The following ADGRA1 variants were observed in gnomAD, a reference collection of about 807,000 sequenced individuals.
The protein encoded by ADGRA1 is G-protein coupled receptor 123.
A neutral mutation model predicts 21.3 loss-of-function variants in ADGRA1; 12 were observed. The ratio of observed to expected loss-of-function variants is 0.56; its 90% CI spans 0.36 to 0.91. The LOEUF is 0.91. Ranked by LOEUF, ADGRA1 falls within the 40% of genes least tolerant of loss-of-function variation. The probability of loss-of-function intolerance (pLI) is 0.01; values close to 1 mark genes in which losing one functional copy is unlikely to be tolerated. For missense variants in ADGRA1, 790 were observed against 805.6 expected (o/e 0.98, Z 0.23); for synonymous variants, 385 against 368.8 (o/e 1.04, Z -0.50).
Position 133,129,517 on chromosome 10 carries a change from G to A in ADGRA1, c.*6G>A, listed in dbSNP as rs751812777. The stretch of plus-strand genomic sequence containing the variant: ...AAAACGAAACTACTGTGTAGATGGG[G>A]GCAGAGGACACGGTGTTCCTGGAGG... On this transcript the variant is annotated 3_prime_UTR_variant, in exon 7 of 7. Transcript: ENST00000392607. 87 of 1,580,182 alleles carry A rather than the reference G, an allele frequency of 5.5e-5. No individual in the cohort carries two copies. The highest frequency in any genetic ancestry group is 7.4e-5 in the Non-Finnish European group (86 of 1,168,820).
intron 5 of ADGRA1, among the ~76,000 whole-genome samples, chr10:133,114,944 G>C (rs1404850171): frequency 6.6e-6 from 1 of 152,206 alleles, no homozygotes. Context: ...GTCCACACCT[G>C]GAATCCACCG....
Position 133,088,734 on chromosome 10 carries a change from G to C in ADGRA1, c.-176G>C, listed in dbSNP as rs1851546587. On this transcript the variant is annotated 5_prime_UTR_variant, in exon 2 of 7. Transcript: ENST00000392607. ...TGGGAGCAGCTCCCGGACTGCGCCC[G>C]CCCCGCCGCGGTCACCCTGAGGCCA... 1.6e-6 allele frequency: 2 copies of C among 1,230,252 alleles called. No individual in the cohort carries two copies. The highest frequency in any genetic ancestry group is 2.0e-6 in the Non-Finnish European group (2 of 987,336). 76.2% of individuals were successfully genotyped at this position (1,230,252 alleles called of 1,614,324 possible).
Position 133,088,069 on chromosome 10 carries a change from G to A in ADGRA1, c.-272G>A, listed in dbSNP as rs147699761. Reference sequence around the variant, plus strand: ...GCGAATGGAGAGCGGGTCCCCGGCGGGGGGAGCGCAGCGCGTCTGTCTCCG... The same window carrying A: ...GCGAATGGAGAGCGGGTCCCCGGCGAGGGGAGCGCAGCGCGTCTGTCTCCG... On this transcript the variant is annotated 5_prime_UTR_variant, in exon 1 of 7. Transcript: ENST00000392607. 8 of 985,144 alleles carry A rather than the reference G, an allele frequency of 8.1e-6. No individual in the cohort carries two copies. Among genetic ancestry groups the A allele is most frequent in the Non-Finnish European group, 9.6e-6 (8 of 829,826 alleles). The allele number at this position is 985,144 out of a possible 1,614,324, so 61.0% of individuals were successfully genotyped here.
At chr10:133,102,439 C>T in intron 4 of ADGRA1, 1 of 618,840 alleles carries the variant, frequency 1.6e-6, no homozygotes, top group Admixed American at 2.1e-5. Context: ...AGTGCACAGG[C>T]CCATGGGTCC....
intron 5 of ADGRA1, among the ~76,000 whole-genome samples, chr10:133,103,785 C>T (rs1054082184): frequency 3.3e-5 from 5 of 152,338 alleles, no homozygotes; most frequent in Non-Finnish European, 7.4e-5. Flanking sequence ...GGAGCTCCAG[C>T]GCCTTTGGTG....
intron 5 of ADGRA1, among the ~76,000 whole-genome samples, chr10:133,109,087 CT>C (rs1851942724): frequency 6.6e-6 from 1 of 151,828 alleles, no homozygotes; most frequent in African/African-American, 2.4e-5. Context: ...GGCCCCACCC[CT>C]GCCCCTCATA....
chr10:133,106,919 G>T (rs1851905059), intron 5 of ADGRA1, among the ~76,000 whole-genome samples: 1 of 152,240 alleles, frequency 6.6e-6, no homozygotes, highest in African/African-American at 2.4e-5. Flanking sequence ...TGCATCTGAA[G>T]GCCACGTTAA....
chr10:133,102,218 C>A (rs560965189), intron 4 of ADGRA1: 1 of 458,744 alleles, frequency 2.2e-6, no homozygotes, highest in Admixed American at 2.3e-5. Context: ...TGAGGAACGG[C>A]GACCTGCAGG....
rs370825058 is a variant in ADGRA1 at position 133,121,792 on chromosome 10, AGT to A, written c.402-5431_402-5430del. ...AGTGTGAGTGTGCGTGTCGTGTGCC[AGT>A]GTGTGTGTGAGTGTGCTTGTGTGTG... is the stretch of plus-strand genomic sequence containing the variant. On this transcript the variant is annotated intron_variant, in intron 5 of 6. Transcript: ENST00000392607. Among the ~76,000 whole-genome samples, 409 of 133,504 alleles carry A rather than the reference AGT, an allele frequency of 3.1e-3. 3 individuals are homozygous for A. Among genetic ancestry groups the A allele is most frequent in the African/African-American group, 8.1e-3 (275 of 34,000 alleles). 87.6% of individuals were successfully genotyped at this position (133,504 alleles called of 152,430 possible).
intron 2 of ADGRA1, among the ~76,000 whole-genome samples, chr10:133,092,159 G>T (rs1294418624): frequency 6.6e-6 from 1 of 152,244 alleles, no homozygotes; most frequent in Non-Finnish European, 1.5e-5. Context: ...CCGGGACGCA[G>T]GGCCTCTCAC....
At chr10:133,088,650 C>T (rs912805200) in intron 1 of ADGRA1, 58 bp from the exon 2 acceptor site, 1 of 1,116,944 alleles carries the variant, frequency 9.0e-7, no homozygotes, top group Non-Finnish European at 1.1e-6. Context: ...GTCGGGGCTG[C>T]GAGCTGCCCT....
chr10:133,127,789 C>A (rs1463462921), intron 6 of ADGRA1, among the ~76,000 whole-genome samples: 1 of 138,338 alleles, frequency 7.2e-6, no homozygotes, highest in Non-Finnish European at 1.6e-5. Context: ...CCACCTCCGC[C>A]TGGCCCCGCC....
intron 5 of ADGRA1, among the ~76,000 whole-genome samples, chr10:133,123,090 C>T (rs566366106): frequency 2.0e-5 from 3 of 152,322 alleles, no homozygotes; most frequent in East Asian, 3.9e-4. Flanking sequence ...CGTTGGTCTC[C>T]GAGGGCTCAG....
chr10:133,092,104 C>T (rs1285060424), intron 2 of ADGRA1, among the ~76,000 whole-genome samples: 1 of 152,206 alleles, frequency 6.6e-6, no homozygotes, highest in East Asian at 1.9e-4. Flanking sequence ...CAAATTTTAC[C>T]CCTTGGCCTC....
chr10:133,114,717 A>G (rs2135896485), intron 5 of ADGRA1, among the ~76,000 whole-genome samples: 1 of 152,316 alleles, frequency 6.6e-6, no homozygotes, highest in East Asian at 1.9e-4. Context: ...TTCAGAAGTC[A>G]CGGTTAACTC....
At chr10:133,094,534 A>T (rs1049763102) in intron 2 of ADGRA1, among the ~76,000 whole-genome samples, 1 of 152,240 alleles carries the variant, frequency 6.6e-6, no homozygotes, top group South Asian at 2.1e-4. Context: ...CCGTGAGAGG[A>T]CGCGTGAGGG....
Position 133,102,852 on chromosome 10 carries a change from G to A in ADGRA1, c.401+10G>A, listed in dbSNP as rs755387058. 49 of 1,598,604 alleles carry A rather than the reference G, an allele frequency of 3.1e-5. No individual in the cohort carries two copies. Among genetic ancestry groups the A allele is most frequent in the Non-Finnish European group, 4.1e-5 (48 of 1,168,376 alleles). On this transcript the variant is annotated intron_variant, in intron 5 of 6. Transcript: ENST00000392607. ...GGCAGCCCCTGCTCAGGTACTGAGT[G>A]CACATGGGCGCGAGGCCCCGCCACC...
intron 5 of ADGRA1, among the ~76,000 whole-genome samples, chr10:133,117,530 T>C (rs760882982): frequency 2.0e-5 from 3 of 152,172 alleles, no homozygotes; most frequent in Non-Finnish European, 2.9e-5. Flanking sequence ...GGCCCCAGGA[T>C]CAGGCCCTCA....
At chr10:133,118,952 A>T (rs992764292) in intron 5 of ADGRA1, among the ~76,000 whole-genome samples, 7 of 151,616 alleles carry the variant, frequency 4.6e-5, no homozygotes, top group Non-Finnish European at 7.4e-5. Flanking sequence ...GTGCACACAC[A>T]CTCATGCATT....
Sources: gnomAD v4.1 joint callset for allele counts (sites outside exome capture counted in the v4.1 genomes callset) on GRCh38, gnomAD v4.1.1 for gene constraint, MANE v1.5 for transcripts, NCBI Gene and HGNC (gene_info 2026-07-23, HGNC 2026-07-21) for gene names.